SGCZ: variants seen among roughly 807,000 people sequenced by gnomAD.
SGCZ encodes sarcoglycan zeta.
In SGCZ, 40 loss-of-function variants were observed where a neutral mutation model predicts 41.3. The observed-to-expected ratio is 0.97, with a 90% CI of 0.75 to 1.26. The LOEUF (loss-of-function observed/expected upper bound fraction) is 1.26, where lower values mean the gene tolerates loss of function less well. Ranked by LOEUF, SGCZ falls within the 50% of genes most tolerant of loss-of-function variation. The probability of loss-of-function intolerance (pLI) is 0.00; values close to 1 mark genes in which losing one functional copy is unlikely to be tolerated. For synonymous variants in SGCZ, 206 were observed against 137.5 expected (o/e 1.50, Z -3.49); for missense variants, 552 against 369.8 (o/e 1.49, Z -4.04).
At chr8:14,094,798 T>C (rs1404674749) in intron 7 of SGCZ, among the ~76,000 whole-genome samples, 1 of 152,124 alleles carries the variant, frequency 6.6e-6, no homozygotes, top group East Asian at 1.9e-4. Flanking sequence ...CCAGCATCTG[T>C]TGTTTCCTGA....
At chr8:15,081,465 C>T (rs1207943173) in intron 1 of SGCZ, among the ~76,000 whole-genome samples, 1 of 147,668 alleles carries the variant, frequency 6.8e-6, no homozygotes, top group Non-Finnish European at 1.5e-5. Flanking sequence ...TGGAGATGCA[C>T]ATTTTTGGAA....
At chr8:14,464,327 T>C (rs1189065970) in intron 2 of SGCZ, among the ~76,000 whole-genome samples, 1 of 151,518 alleles carries the variant, frequency 6.6e-6, no homozygotes, top group Admixed American at 6.6e-5. Context: ...AATTTTCTAT[T>C]TCTTTGTGAT....
intron 4 of SGCZ, among the ~76,000 whole-genome samples, chr8:14,232,868 G>T (rs1024783509): frequency 6.6e-5 from 10 of 152,024 alleles, no homozygotes; most frequent in African/African-American, 2.4e-4. Flanking sequence ...GCATAAGACT[G>T]TGGTTTTAAG....
intron 3 of SGCZ, among the ~76,000 whole-genome samples, chr8:14,245,925 A>G (rs1799070153): frequency 6.6e-6 from 1 of 152,216 alleles, no homozygotes; most frequent in Admixed American, 6.5e-5. Context: ...TAGAATGGCA[A>G]TCATTAAAAA....
intron 1 of SGCZ, among the ~76,000 whole-genome samples, chr8:14,709,992 A>C (rs1239976347): frequency 6.6e-6 from 1 of 152,198 alleles, no homozygotes; most frequent in Non-Finnish European, 1.5e-5. Context: ...TGCTAAGCAC[A>C]TTAGTCACTC....
At chr8:14,248,411 TG>T (rs1240474993) in intron 3 of SGCZ, among the ~76,000 whole-genome samples, 1 of 152,134 alleles carries the variant, frequency 6.6e-6, no homozygotes, top group East Asian at 1.9e-4. Flanking sequence ...GATGCGTATT[TG>T]TATATGATAC....
At chr8:15,218,078 T>A (rs568008909) in intron 1 of SGCZ, among the ~76,000 whole-genome samples, 13 of 152,336 alleles carry the variant, frequency 8.5e-5, no homozygotes, top group Admixed American at 7.8e-4. Context: ...CCCATTTACA[T>A]AAAATACATG....
rs903787761 is a variant in SGCZ at position 14,240,349 on chromosome 8, A to T, written c.337-2670T>A. Among the ~76,000 whole-genome samples the T allele has an allele frequency of 8.3e-4, 88 of 105,732 alleles. 5 individuals carry two copies. The highest frequency in any genetic ancestry group is 2.0e-3 in the African/African-American group (62 of 31,742). The allele number at this position is 105,732 out of a possible 152,430, so 69.4% of individuals were successfully genotyped here. A position where few individuals can be genotyped will look rare whatever the true frequency, so the allele number is the denominator to read the frequency against. On this transcript the variant is annotated intron_variant, in intron 3 of 7. Coordinates refer to ENST00000382080, the MANE Select transcript of SGCZ (RefSeq NM_139167.4). ...TGTCAAAAAAAAAAAAAAAAAAAAA[A>T]AAAAAAGAACTGAAAGTTTAAAAGT... is the stretch of plus-strand genomic sequence containing the variant.
chr8:14,494,608 T>C (rs925865561), intron 2 of SGCZ, among the ~76,000 whole-genome samples: 26 of 152,186 alleles, frequency 1.7e-4, no homozygotes, highest in Non-Finnish European at 2.2e-4. Context: ...TTTGATTTTG[T>C]ATTTTCAATT....
intron 1 of SGCZ, among the ~76,000 whole-genome samples, chr8:14,629,768 C>A (rs1272169025): frequency 6.6e-6 from 1 of 151,966 alleles, no homozygotes; most frequent in African/African-American, 2.4e-5. Flanking sequence ...ATGAGCGTAA[C>A]AATCTGGAAA....
intron 1 of SGCZ, among the ~76,000 whole-genome samples, chr8:14,924,574 C>T (rs1012849775): frequency 1.3e-5 from 2 of 151,616 alleles, no homozygotes; most frequent in Non-Finnish European, 2.9e-5. Flanking sequence ...ACATCAGAAG[C>T]TTATCCACAT....
chr8:14,402,425 G>C (rs189370306), intron 2 of SGCZ, among the ~76,000 whole-genome samples: 11 of 151,186 alleles, frequency 7.3e-5, no homozygotes, highest in African/African-American at 2.7e-4. Context: ...GTTTTAGGTC[G>C]AACGTTTAAG....
intron 2 of SGCZ, among the ~76,000 whole-genome samples, chr8:14,422,759 T>C (rs1799669374): frequency 6.6e-6 from 1 of 152,160 alleles, no homozygotes. Flanking sequence ...TTACCCCAGA[T>C]CTCTTTTAGT....
At chr8:14,175,576 T>G (rs1188405069) in intron 4 of SGCZ, among the ~76,000 whole-genome samples, 1 of 152,114 alleles carries the variant, frequency 6.6e-6, no homozygotes, top group Admixed American at 6.5e-5. Flanking sequence ...TTTTTACTTT[T>G]TCTTTTGGCA....
chr8:14,251,577 C>G (rs530316598), intron 3 of SGCZ, among the ~76,000 whole-genome samples: 8 of 152,276 alleles, frequency 5.3e-5, no homozygotes, highest in Admixed American at 1.3e-4. Flanking sequence ...GAAACTGAAT[C>G]TCCACTGAAT....
At chr8:14,600,383 C>G (rs1298123044) in intron 1 of SGCZ, among the ~76,000 whole-genome samples, 2 of 152,126 alleles carry the variant, frequency 1.3e-5, no homozygotes, top group Non-Finnish European at 2.9e-5. Flanking sequence ...ATCATCTCTA[C>G]TTGGATGAGT....
chr8:14,646,335 G>A (rs773496795), intron 1 of SGCZ, among the ~76,000 whole-genome samples: 24 of 151,882 alleles, frequency 1.6e-4, no homozygotes, highest in Admixed American at 1.3e-3. Context: ...AATTCACTTA[G>A]GATAATGGAC....
chr8:14,896,260 C>T (rs187030132), intron 1 of SGCZ, among the ~76,000 whole-genome samples: 1 of 152,154 alleles, frequency 6.6e-6, no homozygotes, highest in African/African-American at 2.4e-5. Context: ...TTTTTAGTTG[C>T]CCCTGTTAAC....
intron 1 of SGCZ, among the ~76,000 whole-genome samples, chr8:14,668,629 G>C (rs1807991918): frequency 6.6e-6 from 1 of 151,990 alleles, no homozygotes; most frequent in Non-Finnish European, 1.5e-5. Flanking sequence ...TTGTCCAAAA[G>C]CAATAAATTT....
Sources: allele counts gnomAD v4.1 joint callset (sites outside exome capture counted in the v4.1 genomes callset), GRCh38; gene constraint gnomAD v4.1.1; transcripts MANE v1.5; gene names NCBI Gene and HGNC (gene_info 2026-07-23, HGNC 2026-07-21).